The following NRG3 variants were observed in gnomAD, a reference collection of about 807,000 sequenced individuals.
NRG3 encodes the protein pro-neuregulin-3, membrane-bound isoform.
A neutral mutation model predicts 66.9 loss-of-function variants in NRG3; 31 were observed. That is an observed-to-expected ratio of 0.46 (90% CI 0.35 to 0.63). The LOEUF (loss-of-function observed/expected upper bound fraction) is 0.63, where lower values mean the gene tolerates loss of function less well. Among genes scored for constraint, NRG3 ranks in the 20% least tolerant of loss-of-function variants. The probability of loss-of-function intolerance (pLI) is 0.00; values close to 1 mark genes in which losing one functional copy is unlikely to be tolerated. For missense variants in NRG3, 910 were observed against 878.9 expected (o/e 1.04, Z -0.45); for synonymous variants, 393 against 359.4 (o/e 1.09, Z -1.06).
At chr10:82,499,318 T>C (rs2132325221) in intron 2 of NRG3, among the ~76,000 whole-genome samples, 2 of 152,260 alleles carry the variant, frequency 1.3e-5, no homozygotes, top group South Asian at 4.1e-4. Flanking sequence ...CTAACAATTT[T>C]GGAGAAGGAA....
chr10:82,660,192 C>T (rs1199564571), intron 2 of NRG3, among the ~76,000 whole-genome samples: 6 of 29,686 alleles, frequency 2.0e-4, no homozygotes, highest in African/African-American at 6.8e-4. Flanking sequence ...GCAAAACTCC[C>T]TCTCAAAAAA....
intron 3 of NRG3, among the ~76,000 whole-genome samples, chr10:82,850,713 C>CAA (rs5786576): frequency 0.075 from 10,301 of 137,834 alleles, 766 homozygotes; most frequent in African/African-American, 0.2. Flanking sequence ...TTTTTAAGAG[C>CAA]AAAAAAAAAA....
chr10:82,795,032 A>G (rs1032414224), intron 3 of NRG3, among the ~76,000 whole-genome samples: 1 of 152,260 alleles, frequency 6.6e-6, no homozygotes, highest in Non-Finnish European at 1.5e-5. Flanking sequence ...AAGAGGGAAT[A>G]TATAAAACTC....
intron 1 of NRG3, among the ~76,000 whole-genome samples, chr10:82,131,206 A>C (rs1276478503): frequency 2.6e-5 from 4 of 151,976 alleles, no homozygotes; most frequent in African/African-American, 9.7e-5. Context: ...ATCCATTTTG[A>C]TTTGATTTCT....
chr10:82,958,098 AC>A (rs1850248621), intron 5 of NRG3, among the ~76,000 whole-genome samples: 1 of 152,122 alleles, frequency 6.6e-6, no homozygotes, highest in South Asian at 2.1e-4. Context: ...GAAGTCCAGA[AC>A]CCTACAGCAG....
chr10:82,879,958 C>CTTTTTT (rs35159008), intron 4 of NRG3, among the ~76,000 whole-genome samples: 55 of 78,400 alleles, frequency 7.0e-4, no homozygotes, highest in African/African-American at 9.2e-4. Context: ...GATTTCATCC[C>CTTTTTT]TTTTTTTTTT....
At chr10:82,424,757 T>C (rs2089310062) in intron 2 of NRG3, among the ~76,000 whole-genome samples, 1 of 152,048 alleles carries the variant, frequency 6.6e-6, no homozygotes, top group Non-Finnish European at 1.5e-5. Flanking sequence ...TCTTTTAAAA[T>C]TTTTATAGTT....
rs376223339 is a variant in NRG3, at chr10:81,925,270, G to A, written c.823+49107G>A. Among the ~76,000 whole-genome samples, 22 of 152,354 alleles carry A rather than the reference G, an allele frequency of 1.4e-4. No homozygotes were observed. In the East Asian group the frequency reaches 3.1e-3, roughly 21 times the overall value. ...TGATATAGAGGGAATTGAGGCACAT[G>A]TGGAACCTTTGGTCTAGTCTGACTT... is the stretch of plus-strand genomic sequence containing the variant. On this transcript the variant is annotated intron_variant, in intron 1 of 8. Transcript: ENST00000372141.
At chr10:82,588,085 G>A (rs2046777378) in intron 2 of NRG3, among the ~76,000 whole-genome samples, 1 of 152,112 alleles carries the variant, frequency 6.6e-6, no homozygotes, top group South Asian at 2.1e-4. Flanking sequence ...GTACAAGTGA[G>A]CACAGGCCTA....
intron 1 of NRG3, among the ~76,000 whole-genome samples, chr10:82,246,023 C>T (rs1254152045): frequency 8.3e-6 from 1 of 120,898 alleles, no homozygotes; most frequent in Non-Finnish European, 1.6e-5. Context: ...TATTGTGAAA[C>T]ACTCGGGTAT....
At chr10:82,591,981 G>A (rs1427907935) in intron 2 of NRG3, among the ~76,000 whole-genome samples, 1 of 152,078 alleles carries the variant, frequency 6.6e-6, no homozygotes, top group Non-Finnish European at 1.5e-5. Flanking sequence ...GCATTTCTGG[G>A]AAACACCAGA....
intron 3 of NRG3, among the ~76,000 whole-genome samples, chr10:82,785,957 A>G (rs1477105325): frequency 2.0e-5 from 3 of 152,140 alleles, no homozygotes; most frequent in African/African-American, 7.2e-5. Flanking sequence ...GCAGAATGCA[A>G]CAGCTGTAGG....
chr10:81,994,270 C>G (rs2060848974), intron 1 of NRG3, among the ~76,000 whole-genome samples: 1 of 152,058 alleles, frequency 6.6e-6, no homozygotes, highest in South Asian at 2.1e-4. Context: ...TTTTATGCCT[C>G]TTGGATTTCT....
intron 4 of NRG3, among the ~76,000 whole-genome samples, chr10:82,903,279 G>C (rs572052694): frequency 6.6e-6 from 1 of 152,080 alleles, no homozygotes; most frequent in Admixed American, 6.6e-5. Context: ...CTTAAAATAC[G>C]TGTGATACTA....
intron 4 of NRG3, among the ~76,000 whole-genome samples, chr10:82,903,900 G>A (rs977185474): frequency 1.3e-4 from 19 of 151,900 alleles, no homozygotes; most frequent in Non-Finnish European, 2.4e-4. Flanking sequence ...ATATATATAT[G>A]TTATAAAGAC....
At chr10:82,527,113 C>A (rs1459440977) in intron 2 of NRG3, among the ~76,000 whole-genome samples, 1 of 151,834 alleles carries the variant, frequency 6.6e-6, no homozygotes, top group Non-Finnish European at 1.5e-5. Context: ...TAGCTACAAA[C>A]TGGAAATACC....
chr10:82,295,915 AC>A (rs57758871), intron 1 of NRG3, among the ~76,000 whole-genome samples: 1 of 152,094 alleles, frequency 6.6e-6, no homozygotes, highest in Non-Finnish European at 1.5e-5. Flanking sequence ...GACAAAAAAA[AC>A]CCCTATTTTA....
At chr10:82,293,774 A>G (rs2079879709) in intron 1 of NRG3, among the ~76,000 whole-genome samples, 1 of 152,178 alleles carries the variant, frequency 6.6e-6, no homozygotes, top group African/African-American at 2.4e-5. Context: ...AGATAAATTT[A>G]TCTTGATGTA....
chr10:82,365,239 G>A (rs2084446108), intron 2 of NRG3, among the ~76,000 whole-genome samples: 1 of 152,134 alleles, frequency 6.6e-6, no homozygotes, highest in African/African-American at 2.4e-5. Context: ...TGGAGTTTTG[G>A]CACACATCCC....
Sources: allele counts gnomAD v4.1 joint callset (sites outside exome capture counted in the v4.1 genomes callset), GRCh38; gene constraint gnomAD v4.1.1; transcripts MANE v1.5; gene names NCBI Gene and HGNC (gene_info 2026-07-23, HGNC 2026-07-21).